PDIA6: variants seen among roughly 807,000 people sequenced by gnomAD.
PDIA6 encodes protein disulfide isomerase family A member 6, also known as protein disulfide-isomerase A6.
A neutral mutation model predicts 58.4 loss-of-function variants in PDIA6; 29 were observed. The observed-to-expected ratio is 0.50, with a 90% CI of 0.37 to 0.68. The LOEUF is 0.68. Ranked by LOEUF, PDIA6 falls within the 30% of genes least tolerant of loss-of-function variation. The pLI is 0.00. For synonymous variants in PDIA6, 192 were observed against 202.6 expected, an observed-to-expected ratio of 0.95 and a Z score of 0.44; for missense variants, 480 against 551.0, an observed-to-expected ratio of 0.87 and a Z score of 1.29.
At chr2:10,798,141 T>C (rs763121862) in intron 2 of PDIA6, among the ~76,000 whole-genome samples, 14 of 152,120 alleles carry the variant, frequency 9.2e-5, no homozygotes, top group Admixed American at 1.3e-4. Flanking sequence ...GCTGAGATCA[T>C]GCCGCTACAC....
intron 8 of PDIA6, among the ~76,000 whole-genome samples, chr2:10,789,216 A>G (rs1734429): frequency 0.54 from 82,252 of 152,072 alleles, 23,431 homozygotes; most frequent in Non-Finnish European, 0.62. Context: ...CACACATACA[A>G]ACATCTCTGA....
At chr2:10,795,402 C>T (rs1734338) in intron 4 of PDIA6, among the ~76,000 whole-genome samples, 60,990 of 151,842 alleles carry the variant, frequency 0.4, 13,450 homozygotes, top group Middle Eastern at 0.54. Context: ...CAGGTGTTTA[C>T]TCAGGGGAAA....
At chr2:10,789,714 A>G in intron 8 of PDIA6, 35 bp downstream of exon 8, 2 of 1,602,988 alleles carry the variant, frequency 1.2e-6, no homozygotes, top group Non-Finnish European at 1.7e-6. Context: ...CAGCTAAAAA[A>G]GCTTTCTGGA....
At chr2:10,837,230 C>G (rs1667847553), upstream of PDIA6, among the ~76,000 whole-genome samples, 1 of 152,178 alleles carries the variant, frequency 6.6e-6, no homozygotes, top group African/African-American at 2.4e-5. Context: ...GGCCACGGCC[C>G]CCTTACCCAG....
chr2:10,784,354 G>A (rs544276209), intron 12 of PDIA6, 28 bp from the exon 13 acceptor site: 26 of 1,593,820 alleles, frequency 1.6e-5, no homozygotes, highest in Non-Finnish European at 2.1e-5. Context: ...GCCACTGTTA[G>A]ATCTGCAGAA....
chr2:10,796,498 C>CT (rs1361697854), intron 4 of PDIA6, among the ~76,000 whole-genome samples: 3 of 138,424 alleles, frequency 2.2e-5, no homozygotes, highest in African/African-American at 8.3e-5. Flanking sequence ...GACTCTGTCT[C>CT]TTAAAAAAAA....
chr2:10,797,939 A>G (rs1220266421), intron 2 of PDIA6, among the ~76,000 whole-genome samples, 182 bp from the exon 3 acceptor site: 3 of 151,840 alleles, frequency 2.0e-5, no homozygotes, highest in African/African-American at 7.3e-5. Flanking sequence ...AATCTCCAGT[A>G]CTTTGGGAGG....
upstream of PDIA6, among the ~76,000 whole-genome samples, chr2:10,817,228 G>A (rs543578794): frequency 1.1e-4 from 17 of 152,174 alleles, no homozygotes; most frequent in Non-Finnish European, 2.2e-4. Flanking sequence ...AGAGTAAGTG[G>A]TTTGCAGACA....
intron 2 of PDIA6, among the ~76,000 whole-genome samples, chr2:10,817,983 A>T (rs951036631): frequency 2.0e-5 from 3 of 151,452 alleles, no homozygotes; most frequent in South Asian, 2.1e-4. Flanking sequence ...CCGACAGGGG[A>T]CATGTACCTC....
chr2:10,785,980 T>C (rs1247244590), intron 11 of PDIA6, among the ~76,000 whole-genome samples: 3 of 151,714 alleles, frequency 2.0e-5, no homozygotes, highest in Admixed American at 6.6e-5. Context: ...TCCCAAAGTG[T>C]TGGAATTACA....
chr2:10,785,031 CT>C lies in PDIA6; in HGVS notation c.1158-2del. The stretch of plus-strand genomic sequence containing the variant: ...GGAGCCACGCCCAAAAGAGAGCTCC[CT>C]TAGGGAAAAATGACCAAAACACACA... On this transcript the variant is annotated splice_acceptor_variant, in intron 11 of 12. Coordinates refer to ENST00000272227, the MANE Select transcript of PDIA6 (RefSeq NM_005742.4). LOFTEE classifies it high-confidence loss of function. 1 of 1,568,658 alleles carries C rather than the reference CT, an allele frequency of 6.4e-7. No homozygotes were observed. The highest frequency in any genetic ancestry group is 8.7e-7 in the Non-Finnish European group (1 of 1,154,686).
At chr2:10,804,651 G>A (rs370452324) in intron 1 of PDIA6, among the ~76,000 whole-genome samples, 7,254 of 132,712 alleles carry the variant, frequency 0.055, 179 homozygotes, top group South Asian at 0.1. Flanking sequence ...CTTTGGCGAT[G>A]CGGGCTCTTT....
At chr2:10,796,037 A>G (rs1409082199) in intron 4 of PDIA6, among the ~76,000 whole-genome samples, 1 of 150,916 alleles carries the variant, frequency 6.6e-6, no homozygotes, top group African/African-American at 2.4e-5. Flanking sequence ...ATTATCTTAA[A>G]TAGAATAATC....
chr2:10,833,681 A>T (rs559588399), upstream of PDIA6, among the ~76,000 whole-genome samples: 5 of 152,148 alleles, frequency 3.3e-5, no homozygotes, highest in Non-Finnish European at 7.3e-5. Context: ...CCATACACAG[A>T]TTGGAACTCC....
At chr2:10,791,701 G>T in intron 6 of PDIA6, 94 bp downstream of exon 6, 1 of 1,108,944 alleles carries the variant, frequency 9.0e-7, no homozygotes, top group Non-Finnish European at 1.3e-6. Context: ...GATCTTAGTG[G>T]TGATCTATTA....
intron 3 of PDIA6, 49 bp downstream of exon 3, chr2:10,797,651 T>TA: frequency 7.6e-7 from 1 of 1,322,100 alleles, no homozygotes; most frequent in Non-Finnish European, 1.1e-6. Context: ...CTTAGAAACT[T>TA]ACTGTAAAAA....
At chr2:10,820,325 C>A (rs759958561) in intron 1 of PDIA6, among the ~76,000 whole-genome samples, 8 of 152,128 alleles carry the variant, frequency 5.3e-5, no homozygotes, top group Non-Finnish European at 7.3e-5. Context: ...TGATTAGGAC[C>A]AGGTGTGTCA....
In PDIA6 at chr2:10,784,987, C is replaced by A; in HGVS notation, c.1201G>T (p.Gly401Trp). 6.3e-7 allele frequency: 1 copy of A among 1,589,936 alleles called. No individual in the cohort carries two copies. Among genetic ancestry groups the A allele is most frequent in the East Asian group, 2.3e-5 (1 of 43,980 alleles). The change falls in exon 12 of 13, where the codon GGG (glycine) becomes TGG (tryptophan). Residue 401 changes from glycine (G) to tryptophan (W), a missense_variant. Gly to Trp is a radical substitution (Grantham distance 184). Transcript: ENST00000272227. ...GRGSTAPVGG[G>W]AFPTIVEREP... ...CTCTCAACGATGGTAGGGAAAGCCC[C>A]GCCTCCTACAGGTGCCGTGGAGCCA... is the stretch of plus-strand genomic sequence containing the variant.
intron 2 of PDIA6, among the ~76,000 whole-genome samples, chr2:10,801,945 G>T (rs1666527924): frequency 6.6e-6 from 1 of 152,168 alleles, no homozygotes; most frequent in Admixed American, 6.5e-5. Context: ...GGATACTTGT[G>T]GCCTGCTGGT....
Sources: allele counts gnomAD v4.1 joint callset (sites outside exome capture counted in the v4.1 genomes callset), GRCh38; gene constraint gnomAD v4.1.1; transcripts MANE v1.5; gene names NCBI Gene and HGNC (gene_info 2026-07-23, HGNC 2026-07-21).